The following LRCH3 variants were observed in gnomAD, a reference collection of about 807,000 sequenced individuals.
The protein encoded by LRCH3 is DISP complex protein LRCH3.
A neutral mutation model predicts 104.5 loss-of-function variants in LRCH3; 68 were observed. The observed-to-expected ratio is 0.65, with a 90% confidence interval of 0.54 to 0.80. The LOEUF (loss-of-function observed/expected upper bound fraction) is 0.80, where lower values mean the gene tolerates loss of function less well. LRCH3 is among the 30% of genes least tolerant of loss of function. The pLI is 0.00. For missense variants in LRCH3, 951 were observed against 953.9 expected (o/e 1.00, Z 0.04); for synonymous variants, 344 against 361.3 (o/e 0.95, Z 0.54).
intron 1 of LRCH3, among the ~76,000 whole-genome samples, chr3:197,793,129 C>A (rs552905733): frequency 6.6e-6 from 1 of 152,166 alleles, no homozygotes; most frequent in African/African-American, 2.4e-5. Flanking sequence ...TTAGATTGAG[C>A]ACATTTTCTA....
At chr3:197,803,500 C>T (rs1325219976) in intron 1 of LRCH3, among the ~76,000 whole-genome samples, 1 of 152,100 alleles carries the variant, frequency 6.6e-6, no homozygotes, top group African/African-American at 2.4e-5. Context: ...AAAACATTTC[C>T]TTAGAATTTG....
intron 1 of LRCH3, among the ~76,000 whole-genome samples, chr3:197,794,727 G>T (rs932021749): frequency 3.3e-5 from 5 of 152,170 alleles, no homozygotes; most frequent in African/African-American, 9.7e-5. Context: ...TAATCTGGCT[G>T]GGCCTGGTGG....
intron 15 of LRCH3, chr3:197,859,278 T>G (rs1740614930): frequency 4.6e-6 from 1 of 218,260 alleles, no homozygotes. Context: ...TACCAAAACC[T>G]TCTACAGTAG....
At chr3:197,878,466 T>C (rs990590232) in intron 20 of LRCH3, among the ~76,000 whole-genome samples, 1 of 151,888 alleles carries the variant, frequency 6.6e-6, no homozygotes, top group Non-Finnish European at 1.5e-5. Flanking sequence ...AAAAAAAAAA[T>C]ACAGTTTTAA....
At position 197,883,581 on chromosome 3, in the gene LRCH3, G is replaced by A; in HGVS notation, c.2249G>A (p.Gly750Asp). The change falls in exon 21 of 21, where the codon GGT (glycine) becomes GAT (aspartate). Residue 750 changes from glycine (G) to aspartate (D), a missense_variant. Transcript: ENST00000425562. The surrounding 1 kb of genome is among the most constrained non-coding windows in gnomAD (Gnocchi z 4.2). ...CLPLHILEEK[G>D]LSQVAVTVQA... is the part of the protein sequence containing the mutation. ...CCTCTCCACATTTTAGAAGAGAAAG[G>A]TTTGAGCCAGGTTGCAGTGACGGTC... The A allele has an allele frequency of 6.5e-7, 1 of 1,536,058 alleles. No individual in the cohort carries two copies. Among genetic ancestry groups the A allele is most frequent in the Non-Finnish European group, 8.7e-7 (1 of 1,146,890 alleles).
At position 197,841,809 on chromosome 3, in the gene LRCH3, A is replaced by ATGTTTTGTTTTGTTTTGTTT. The variant is rs370265011; in HGVS notation, c.1328+2436_1328+2455dup. 3.0e-3 allele frequency among the ~76,000 whole-genome samples: 441 copies of ATGTTTTGTTTTGTTTTGTTT among 148,376 alleles called. 4 individuals are homozygous for ATGTTTTGTTTTGTTTTGTTT. Among genetic ancestry groups the ATGTTTTGTTTTGTTTTGTTT allele is most frequent in the African/African-American group, 7.4e-3 (295 of 39,800 alleles). On this transcript the variant is annotated intron_variant, in intron 10 of 20. Transcript: ENST00000425562. ...TGCTGGAAACTAAAGCTAGGATTAC[A>ATGTTTTGTTTTGTTTTGTTT]TGTTTTGTTTTGTTTTGTTTTGTTT...
intron 10 of LRCH3, among the ~76,000 whole-genome samples, chr3:197,843,173 G>A (rs906380413): frequency 2.0e-5 from 3 of 151,926 alleles, no homozygotes; most frequent in African/African-American, 7.3e-5. Flanking sequence ...ACTAGGTTCT[G>A]TAAAGTGTGT....
chr3:197,817,279 C>G lies in LRCH3; in HGVS notation c.511C>G (p.His171Asp). 1 of 1,604,510 alleles carries G rather than the reference C, an allele frequency of 6.2e-7. No individual in the cohort carries two copies. Among genetic ancestry groups the G allele is most frequent in the Non-Finnish European group, 8.5e-7 (1 of 1,176,510 alleles). Reference sequence around the variant, plus strand: ...GGTGTCACTTCCAGAAGAAATTGGACACCTTAGACATTTGATGGAACTTGT... The same window carrying G: ...GGTGTCACTTCCAGAAGAAATTGGAGACCTTAGACATTTGATGGAACTTGT... The part of the protein sequence containing the change: ...KLVSLPEEIG[H>D]LRHLMELDVS... The change falls in exon 3 of 21, where the codon CAC becomes GAC. Residue 171 changes from histidine (H) to aspartate (D), a missense_variant. By Grantham distance (81) the His-to-Asp change is moderately conservative. Transcript: ENST00000425562.
At chr3:197,805,419 G>A (rs760057979) in intron 1 of LRCH3, among the ~76,000 whole-genome samples, 5 of 152,220 alleles carry the variant, frequency 3.3e-5, no homozygotes, top group Non-Finnish European at 7.3e-5. Flanking sequence ...CTGGATTTGG[G>A]TGTAGGCTTG....
rs538011365 is a variant in LRCH3, at chr3:197,820,988, G to A, written c.640+558G>A. On this transcript the variant is annotated intron_variant, in intron 4 of 20. Coordinates refer to ENST00000425562, the MANE Select transcript of LRCH3 (RefSeq NM_001365715.1). The stretch of plus-strand genomic sequence containing the variant: ...TCAATGAAAAGGTTTGATAACTCTT[G>A]ACCTTTGATTTTATTTTTAGATCTT... 6.0e-3 allele frequency among the ~76,000 whole-genome samples: 395 copies of A among 65,898 alleles called. 3 individuals carry two copies. Among genetic ancestry groups the A allele is most frequent in the Non-Finnish European group, 0.015 (314 of 21,054 alleles). 43.2% of individuals were successfully genotyped at this position (65,898 alleles called of 152,430 possible).
rs1440378497 is a variant in LRCH3, at chr3:197,856,011, C to T, written c.1644+1566C>T. Among the ~76,000 whole-genome samples the T allele has an allele frequency of 1.3e-5, 2 of 152,232 alleles. No individual in the cohort carries two copies. The highest frequency in any genetic ancestry group is 2.9e-5 in the Non-Finnish European group (2 of 68,040). On this transcript the variant is annotated intron_variant, in intron 14 of 20. Transcript: ENST00000425562. This position sits in a 1 kb window ranked among gnomAD's most constrained non-coding sequence, Gnocchi z 4.2. ...CTCCCTCGTGCTCTACTGCCTCCCT[C>T]TCCAGTCTCCTCTCTGGGCTTGTGC...
chr3:197,854,056 T>G lies in LRCH3; in HGVS notation c.1591-336T>G, dbSNP rs182377390. 3.9e-5 allele frequency among the ~76,000 whole-genome samples: 6 copies of G among 152,334 alleles called. No homozygotes were observed. The highest frequency in any genetic ancestry group is 1.3e-4 in the Admixed American group (2 of 15,302). On this transcript the variant is annotated intron_variant, in intron 13 of 20. Coordinates refer to ENST00000425562, the MANE Select transcript of LRCH3 (RefSeq NM_001365715.1). This position sits in a 1 kb window ranked among gnomAD's most constrained non-coding sequence, Gnocchi z 4.5. The stretch of plus-strand genomic sequence containing the variant: ...TAGACTAGAAATTATGACTCTGGGC[T>G]TCTTGTTTGTTACTGGCTCACTAAA...
chr3:197,792,577 T>TTATATATATATA lies in LRCH3; in HGVS notation c.262+1054_262+1065dup, dbSNP rs11420466. ...CAGCCGCCACCACGCCCAGCTAATTTTATATATATATATATATATATATAT... is the reference window on the plus strand; with the variant it reads ...CAGCCGCCACCACGCCCAGCTAATTTTATATATATATATATATATATATATATATATATATAT... On this transcript the variant is annotated intron_variant, in intron 1 of 20. Coordinates refer to ENST00000425562, the MANE Select transcript of LRCH3 (RefSeq NM_001365715.1). Among the ~76,000 whole-genome samples, 123 of 20,318 alleles carry TTATATATATATA rather than the reference T, an allele frequency of 6.1e-3. 13 individuals carry two copies. The highest frequency in any genetic ancestry group is 0.024 in the East Asian group (9 of 372). 13.3% of individuals were successfully genotyped at this position (20,318 alleles called of 152,430 possible). A position where few individuals can be genotyped will look rare whatever the true frequency, so the allele number is the denominator to read the frequency against.
intron 4 of LRCH3, among the ~76,000 whole-genome samples, chr3:197,824,150 C>A (rs184406475): frequency 8.8e-4 from 133 of 151,638 alleles, no homozygotes; most frequent in African/African-American, 3.0e-3. Flanking sequence ...CTGCAGCCTC[C>A]GCCTCTCGGG....
At chr3:197,865,063 C>T (rs1741330266) in intron 15 of LRCH3, among the ~76,000 whole-genome samples, 1 of 152,062 alleles carries the variant, frequency 6.6e-6, no homozygotes, top group Non-Finnish European at 1.5e-5. Context: ...AGTGCAGTGG[C>T]ACAATCATTA....
intron 10 of LRCH3, among the ~76,000 whole-genome samples, chr3:197,844,796 T>G (rs1738378771): frequency 1.3e-5 from 2 of 151,804 alleles, no homozygotes; most frequent in Non-Finnish European, 2.9e-5. Flanking sequence ...TTTTCGTATT[T>G]TTTTAGTAGA....
At chr3:197,797,869 A>AAAAC (rs1731415438) in intron 1 of LRCH3, among the ~76,000 whole-genome samples, 1 of 14,206 alleles carries the variant, frequency 7.0e-5, no homozygotes. Flanking sequence ...CAAAAAAAAA[A>AAAAC]AAAACAAAAA....
chr3:197,805,333 A>G (rs1732356622), intron 1 of LRCH3, among the ~76,000 whole-genome samples: 1 of 152,178 alleles, frequency 6.6e-6, no homozygotes, highest in Non-Finnish European at 1.5e-5. Flanking sequence ...CCTCTATCAT[A>G]TTTTTGAAGG....
chr3:197,880,982 T>G (rs1287268752), intron 20 of LRCH3: 2 of 1,322,136 alleles, frequency 1.5e-6, no homozygotes, highest in African/African-American at 3.0e-5. Context: ...CTTGTTTCTC[T>G]TACCATAAAT....
Sources: allele counts gnomAD v4.1 joint callset (sites outside exome capture counted in the v4.1 genomes callset), GRCh38; gene constraint gnomAD v4.1.1; non-coding constraint Gnocchi (gnomAD v3.1); transcripts MANE v1.5; gene names NCBI Gene and HGNC (gene_info 2026-07-23, HGNC 2026-07-21).